ATRN: variants seen among roughly 807,000 people sequenced by gnomAD.
ATRN encodes the protein attractin-2.
ATRN carries 54 observed loss-of-function variants against 178.7 expected under a neutral mutation model. That is an observed-to-expected ratio of 0.30 (90% CI 0.24 to 0.38). ATRN has a LOEUF of 0.38. ATRN is among the 10% of genes least tolerant of loss of function. The pLI, the probability that ATRN is intolerant of heterozygous loss-of-function variation, is 1.00. For synonymous variants in ATRN, 636 were observed against 663.0 expected (o/e 0.96, Z 0.63); for missense variants, 1,443 against 1,815.1 (o/e 0.79, Z 3.73).
chr20:3,541,339 A>G (rs1006643165), intron 3 of ATRN, among the ~76,000 whole-genome samples: 23 of 152,050 alleles, frequency 1.5e-4, no homozygotes, highest in African/African-American at 4.8e-4. Flanking sequence ...GGCCTCCCAA[A>G]GTGCTGGGAT....
intron 14 of ATRN, 56 bp downstream of exon 14, chr20:3,577,053 C>T: frequency 6.3e-7 from 1 of 1,593,560 alleles, no homozygotes; most frequent in Non-Finnish European, 8.5e-7. Context: ...AGCCTGCTTC[C>T]CCCAACACTG....
At chr20:3,566,904 CAA>C (rs33920660) in intron 11 of ATRN, among the ~76,000 whole-genome samples, 5 of 86,448 alleles carry the variant, frequency 5.8e-5, no homozygotes, top group Non-Finnish European at 6.3e-5. Context: ...GACTCCATCT[CAA>C]AAAAAAAAAA....
At chr20:3,614,806 TC>T (rs919597877) in intron 24 of ATRN, among the ~76,000 whole-genome samples, 8 of 152,046 alleles carry the variant, frequency 5.3e-5, no homozygotes, top group African/African-American at 1.2e-4. Flanking sequence ...TCCCCCCTCT[TC>T]CGGCAACCCC....
At position 3,612,500 on chromosome 20, in the gene ATRN, G is replaced by A. The variant is rs181408821; in HGVS notation, c.3801+8238G>A. Among the ~76,000 whole-genome samples, 7 of 152,172 alleles carry A rather than the reference G, an allele frequency of 4.6e-5. No individual in the cohort carries two copies. The East Asian group carries it at 9.6e-4, about 21-fold the overall frequency. On this transcript the variant is annotated intron_variant, in intron 24 of 28. Transcript: ENST00000262919. ...GCCCATCAAGAGGTGGAAATCTTGG[G>A]GGCATTCTTAGAATTCTCCCTGCTG... is the stretch of plus-strand genomic sequence containing the variant.
At position 3,512,647 on chromosome 20, in the gene ATRN, G is replaced by A. The variant is rs1600058716; in HGVS notation, c.411-22606G>A. ...CAGTAATGGGATGGCTGGGTCAAATGGTATTTCTAGTTCTAGATCCCTGAG... is the reference window on the plus strand; with the variant it reads ...CAGTAATGGGATGGCTGGGTCAAATAGTATTTCTAGTTCTAGATCCCTGAG... On this transcript the variant is annotated intron_variant, in intron 1 of 28. Transcript: ENST00000262919. 2.0e-5 allele frequency among the ~76,000 whole-genome samples: 3 copies of A among 152,198 alleles called. No homozygotes were observed. In the South Asian group the frequency reaches 6.2e-4, roughly 32 times the overall value.
rs1483234645 is a variant in ATRN at position 3,589,014 on chromosome 20, A to G, written c.3185-2155A>G. ...TTTTTTTTTTTTGAGACAGAGTCTC[A>G]CTCTTTCACCCAGTCTGGAGTGCAG... On this transcript the variant is annotated intron_variant, in intron 18 of 28. Transcript: ENST00000262919. Among the ~76,000 whole-genome samples, 20 of 102,170 alleles carry G rather than the reference A, an allele frequency of 2.0e-4. No individual in the cohort carries two copies. The East Asian group carries it at 7.4e-3, about 38-fold the overall frequency. 67.0% of individuals were successfully genotyped at this position (102,170 alleles called of 152,430 possible). A position where few individuals can be genotyped will look rare whatever the true frequency, so the allele number is the denominator to read the frequency against.
intron 1 of ATRN, among the ~76,000 whole-genome samples, chr20:3,508,125 G>A (rs1320666680): frequency 6.6e-6 from 1 of 151,862 alleles, no homozygotes; most frequent in East Asian, 1.9e-4. Context: ...GAGGCGGGAT[G>A]ATTCCTTGAG....
At position 3,647,092 on chromosome 20, in the gene ATRN, C is replaced by G; in HGVS notation, c.*245C>G. The G allele has an allele frequency of 2.6e-6, 1 of 387,102 alleles. No individual in the cohort carries two copies. The highest frequency in any genetic ancestry group is 4.6e-6 in the Non-Finnish European group (1 of 218,532). 24.0% of individuals were successfully genotyped at this position (387,102 alleles called of 1,614,324 possible). On this transcript the variant is annotated 3_prime_UTR_variant, in exon 29 of 29. Coordinates refer to ENST00000262919, the MANE Select transcript of ATRN (RefSeq NM_139321.3). ...ATTTAATTACAGGTCCAGGGATGAGCTGATGGTTGCTGGAGGAGGCCAGTG... is the reference window on the plus strand; with the variant it reads ...ATTTAATTACAGGTCCAGGGATGAGGTGATGGTTGCTGGAGGAGGCCAGTG...
chr20:3,584,729 T>C lies in ATRN; in HGVS notation c.3033T>C (p.Thr1011=), dbSNP rs145586479. ...GCGWCTDPSN[T]GKGKCIEGSY... is the part of the protein sequence containing the mutation. Reference sequence around the variant, plus strand: ...GCTGGTGTACTGATCCCAGCAATACTGGCAAAGGGAAATGCATAGAGGGTT... The same window carrying C: ...GCTGGTGTACTGATCCCAGCAATACCGGCAAAGGGAAATGCATAGAGGGTT... Residue 1011 remains threonine (T), a synonymous_variant, in exon 18 of 29, where the codon ACT becomes ACC. Transcript: ENST00000262919. 3.7e-4 allele frequency: 596 copies of C among 1,614,118 alleles called. 3 individuals are homozygous for C. In the Middle Eastern group the frequency reaches 7.8e-3, roughly 21 times the overall value.
chr20:3,489,757 CAA>C, intron 1 of ATRN: 1 of 1,468,744 alleles, frequency 6.8e-7, no homozygotes. Flanking sequence ...TGCTATTCAG[CAA>C]AGTGTCACTG....
At position 3,535,309 on chromosome 20, in the gene ATRN, C is replaced by T. The variant is rs56285393; in HGVS notation, c.467C>T (p.Thr156Met). The change falls in exon 2 of 29, where the codon ACG becomes ATG. Residue 156 changes from threonine (T) to methionine (M), a missense_variant. Physicochemically the swap from Thr to Met is moderately conservative, Grantham distance 81 (BLOSUM62 -1). Coordinates refer to ENST00000262919, the MANE Select transcript of ATRN (RefSeq NM_139321.3). ...TDGPGNYKYK[T>M]KCTWLIEGQP... The stretch of plus-strand genomic sequence containing the variant: ...GGACCTGGAAATTATAAATACAAAA[C>T]GAAGTGCACGTGGCTCATTGAAGGA... 2.6e-6 allele frequency: 4 copies of T among 1,552,452 alleles called. No homozygotes were observed. Among genetic ancestry groups the T allele is most frequent in the Admixed American group, 3.6e-5 (2 of 55,860 alleles).
At chr20:3,590,880 T>C (rs1039278787) in intron 18 of ATRN, among the ~76,000 whole-genome samples, 1 of 152,218 alleles carries the variant, frequency 6.6e-6, no homozygotes, top group Non-Finnish European at 1.5e-5. Flanking sequence ...CCTTCTATTT[T>C]TTAAGTATAC....
Position 3,582,244 on chromosome 20 carries a change from C to A in ATRN, c.2654C>A (p.Ser885Tyr). ...AATAGTTTACTACAGTGGATGCCGTCTGAGCCCAGTGATGCTGGATTCTGT... is the reference window on the plus strand; with the variant it reads ...AATAGTTTACTACAGTGGATGCCGTATGAGCCCAGTGATGCTGGATTCTGT... ...FTNSLLQWMPSEPSDAGFCGI... is the reference protein window; with the variant it reads ...FTNSLLQWMPYEPSDAGFCGI... The change falls in exon 16 of 29, where the codon TCT becomes TAT. Residue 885 changes from serine (S) to tyrosine (Y), a missense_variant. Transcript: ENST00000262919. 1 of 1,613,912 alleles carries A rather than the reference C, an allele frequency of 6.2e-7. No homozygotes were observed. The highest frequency in any genetic ancestry group is 8.5e-7 in the Non-Finnish European group (1 of 1,180,024).
intron 1 of ATRN, among the ~76,000 whole-genome samples, chr20:3,525,602 G>GA (rs2085353251): frequency 2.0e-5 from 3 of 152,092 alleles, no homozygotes; most frequent in African/African-American, 7.2e-5. Context: ...AACAAAAAAA[G>GA]AAAATTTCAG....
intron 25 of ATRN, among the ~76,000 whole-genome samples, chr20:3,633,389 G>A (rs1319709521): frequency 6.6e-6 from 1 of 152,170 alleles, no homozygotes; most frequent in African/African-American, 2.4e-5. Context: ...CAGCCCAGGA[G>A]GGCTGTGTTG....
chr20:3,566,614 A>G (rs2086039277), intron 11 of ATRN, among the ~76,000 whole-genome samples: 3 of 152,166 alleles, frequency 2.0e-5, no homozygotes, highest in South Asian at 2.1e-4. Context: ...AGATTAGGAA[A>G]GATGAGAGGC....
intron 1 of ATRN, among the ~76,000 whole-genome samples, chr20:3,524,256 G>A (rs973302843): frequency 5.3e-5 from 8 of 150,970 alleles, no homozygotes; most frequent in African/African-American, 2.0e-4. Flanking sequence ...AAAAGCAGGG[G>A]TTGCAATCCT....
chr20:3,636,071 T>C (rs1324984343), intron 26 of ATRN, among the ~76,000 whole-genome samples: 2 of 152,148 alleles, frequency 1.3e-5, no homozygotes, highest in Non-Finnish European at 2.9e-5. Context: ...AGTTTCAAGG[T>C]TGAGATGAGC....
intron 1 of ATRN, among the ~76,000 whole-genome samples, chr20:3,483,935 T>G (rs1227208648): frequency 1.3e-5 from 2 of 152,138 alleles, no homozygotes; most frequent in African/African-American, 4.8e-5. Flanking sequence ...CATAGCAGTT[T>G]AATAACCTTT....
Sources: gnomAD v4.1 joint callset for allele counts (sites outside exome capture counted in the v4.1 genomes callset) on GRCh38, gnomAD v4.1.1 for gene constraint, MANE v1.5 for transcripts, NCBI Gene and HGNC (gene_info 2026-07-23, HGNC 2026-07-21) for gene names.